The following TMIGD3 variants were observed in gnomAD, a reference collection of about 807,000 sequenced individuals.
TMIGD3 encodes transmembrane and immunoglobulin domain containing 3.
TMIGD3 carries 21 observed loss-of-function variants against 28.1 expected under a neutral mutation model. The ratio of observed to expected loss-of-function variants is 0.75; its 90% CI spans 0.53 to 1.08. The LOEUF is 1.08. TMIGD3 is among the 50% of genes least tolerant of loss of function. The pLI is 0.00. For synonymous variants in TMIGD3, 151 were observed against 162.1 expected, an observed-to-expected ratio of 0.93 and a Z score of 0.52; for missense variants, 416 against 435.6, an observed-to-expected ratio of 0.96 and a Z score of 0.40.
upstream of TMIGD3, among the ~76,000 whole-genome samples, chr1:111,508,119 T>G (rs2100991345): frequency 6.6e-6 from 1 of 152,344 alleles, no homozygotes; most frequent in East Asian, 1.9e-4. Flanking sequence ...TCAAGGTTCC[T>G]TCACTCTGAG....
At chr1:111,562,778 T>C (rs1329657254) in intron 1 of TMIGD3, among the ~76,000 whole-genome samples, 1 of 152,244 alleles carries the variant, frequency 6.6e-6, no homozygotes, top group Non-Finnish European at 1.5e-5. Context: ...CTTGATAGGC[T>C]GGAAGACTAA....
At chr1:111,519,189 T>G (rs1655970760) in intron 1 of TMIGD3, among the ~76,000 whole-genome samples, 1 of 152,180 alleles carries the variant, frequency 6.6e-6, no homozygotes, top group Non-Finnish European at 1.5e-5. Context: ...TCCATCCACC[T>G]CGGCCTCCCA....
chr1:111,510,312 C>G (rs1001615782), intron 1 of TMIGD3, among the ~76,000 whole-genome samples: 1 of 151,992 alleles, frequency 6.6e-6, no homozygotes, highest in Non-Finnish European at 1.5e-5. Flanking sequence ...TGACCTTAGT[C>G]CCTCTGCTTT....
rs1654216877 is a variant in TMIGD3 at position 111,483,484 on chromosome 1, A to C, written c.*203T>G. 3 of 561,050 alleles carry C rather than the reference A, an allele frequency of 5.3e-6. No individual in the cohort carries two copies. Among genetic ancestry groups the C allele is most frequent in the Non-Finnish European group, 9.6e-6 (3 of 312,668 alleles). The allele number at this position is 561,050 out of a possible 1,614,324, so 34.8% of individuals were successfully genotyped here. On this transcript the variant is annotated 3_prime_UTR_variant, in exon 6 of 6. Coordinates refer to ENST00000369716, the MANE Select transcript of TMIGD3 (RefSeq NM_020683.7). ...AACTAAGATCTTGAGATGTTATTTGAGGGCAGCCTTGCTTGGGTGTGGTCT... is the reference window on the plus strand; with the variant it reads ...AACTAAGATCTTGAGATGTTATTTGCGGGCAGCCTTGCTTGGGTGTGGTCT...
At chr1:111,496,721 G>A (rs148984002) in intron 1 of TMIGD3, among the ~76,000 whole-genome samples, 1 of 152,172 alleles carries the variant, frequency 6.6e-6, no homozygotes, top group East Asian at 1.9e-4. Flanking sequence ...AAATTTTAAT[G>A]TGCTTAAGTT....
chr1:111,516,365 CCAAAAG>C (rs1387811590), intron 1 of TMIGD3, among the ~76,000 whole-genome samples: 1 of 152,092 alleles, frequency 6.6e-6, no homozygotes, highest in African/African-American at 2.4e-5. Context: ...TCAGAAAAGC[CCAAAAG>C]CAAATCAGCA....
At chr1:111,491,953 A>G (rs1376335690) in intron 1 of TMIGD3, among the ~76,000 whole-genome samples, 3 of 152,204 alleles carry the variant, frequency 2.0e-5, no homozygotes, top group Non-Finnish European at 4.4e-5. Flanking sequence ...TCCCACACTG[A>G]ATCAGGACTG....
rs1036326731 is a variant in TMIGD3, at chr1:111,486,610, A to G, written c.848T>C (p.Val283Ala). Residue 283 changes from valine (V) to alanine (A), a missense_variant, in exon 4 of 6, where the codon GTT becomes GCT. Transcript: ENST00000369716. The stretch of plus-strand genomic sequence containing the variant: ...CCTGGAGCGGTCAGCCTTGCGGACA[A>G]CTTTGGGAGCCTTGCAGCTTCTGGT... The part of the protein sequence containing the change: ...NKTRSCKAPK[V>A]VRKADRSRTS... 2.5e-6 allele frequency: 4 copies of G among 1,613,746 alleles called. No individual in the cohort carries two copies. In the African/African-American group the frequency reaches 4.0e-5, roughly 16 times the overall value.
At chr1:111,538,999 T>A (rs1162856544) in intron 1 of TMIGD3, among the ~76,000 whole-genome samples, 7 of 152,168 alleles carry the variant, frequency 4.6e-5, no homozygotes, top group Admixed American at 4.6e-4. Context: ...CACTAAAGGA[T>A]CTCTCCCACT....
intron 1 of TMIGD3, among the ~76,000 whole-genome samples, chr1:111,534,726 G>T (rs1042412712): frequency 2.3e-4 from 35 of 152,078 alleles, no homozygotes; most frequent in Non-Finnish European, 3.7e-4. Context: ...AATCAAGGGG[G>T]CAGATTTGTG....
At chr1:111,534,025 T>C (rs866640967) in intron 1 of TMIGD3, among the ~76,000 whole-genome samples, 55 of 152,300 alleles carry the variant, frequency 3.6e-4, no homozygotes, top group Non-Finnish European at 6.3e-4. Flanking sequence ...ATAGATTTGT[T>C]CTGAGGATAA....
intron 2 of TMIGD3, chr1:111,489,523 T>A: frequency 1.0e-6 from 1 of 988,290 alleles, no homozygotes; most frequent in East Asian, 1.1e-4. Context: ...AGACTGTGGT[T>A]TTGTTGCTGT....
At chr1:111,501,534 T>C (rs143922583) in intron 1 of TMIGD3, among the ~76,000 whole-genome samples, 54 of 152,354 alleles carry the variant, frequency 3.5e-4, no homozygotes, top group African/African-American at 1.2e-3. Context: ...GTGTGACAGG[T>C]ATGTTTCTAA....
intron 1 of TMIGD3, among the ~76,000 whole-genome samples, chr1:111,542,997 G>T (rs1305968080): frequency 1.3e-5 from 2 of 152,056 alleles, no homozygotes; most frequent in Admixed American, 6.6e-5. Context: ...CATGGCGCCC[G>T]GCCATGTATT....
chr1:111,534,958 G>A (rs1198826066), intron 1 of TMIGD3, among the ~76,000 whole-genome samples: 1 of 152,142 alleles, frequency 6.6e-6, no homozygotes, highest in Admixed American at 6.5e-5. Context: ...AGGAAACAAA[G>A]AGACACAAAA....
intron 1 of TMIGD3, among the ~76,000 whole-genome samples, chr1:111,502,393 G>C (rs1276172874): frequency 1.6e-5 from 2 of 127,470 alleles, no homozygotes; most frequent in African/African-American, 2.9e-5. Context: ...ATATATATAG[G>C]ATACATATAT....
At chr1:111,524,006 TG>T (rs1466839115) in intron 1 of TMIGD3, among the ~76,000 whole-genome samples, 1 of 149,002 alleles carries the variant, frequency 6.7e-6, no homozygotes, top group Non-Finnish European at 1.5e-5. Context: ...TTACTCTTCT[TG>T]TTTCTTTCTT....
chr1:111,539,615 A>G (rs1366551869), intron 1 of TMIGD3, among the ~76,000 whole-genome samples: 2 of 152,112 alleles, frequency 1.3e-5, no homozygotes, highest in African/African-American at 4.8e-5. Context: ...ATATTTTACC[A>G]CAATTAAAAA....
intron 1 of TMIGD3, chr1:111,563,779 T>C: frequency 8.8e-7 from 1 of 1,142,718 alleles, no homozygotes; most frequent in African/African-American, 1.5e-5. Flanking sequence ...TGTTCCAAAG[T>C]GGTCAGTATG....
Sources: gnomAD v4.1 joint callset for allele counts (sites outside exome capture counted in the v4.1 genomes callset) on GRCh38, gnomAD v4.1.1 for gene constraint, MANE v1.5 for transcripts, NCBI Gene and HGNC (gene_info 2026-07-23, HGNC 2026-07-21) for gene names.